Variants in SKAP1 observed in about 807,000 individuals in gnomAD.
SKAP1 encodes the protein src kinase-associated phosphoprotein 1.
Under a neutral mutation model 58.5 loss-of-function variants are expected in SKAP1, and 44 were observed. That is an observed-to-expected ratio of 0.75 (90% CI 0.59 to 0.97). The LOEUF (loss-of-function observed/expected upper bound fraction) is 0.97, where lower values mean the gene tolerates loss of function less well. Ranked by LOEUF, SKAP1 falls within the 50% of genes least tolerant of loss-of-function variation. SKAP1 has a pLI of 0.00. For synonymous variants in SKAP1, 127 were observed against 149.7 expected (o/e 0.85, Z 1.11); for missense variants, 390 against 435.2 (o/e 0.90, Z 0.92).
At chr17:48,415,421 A>G (rs2067720513) in intron 1 of SKAP1, among the ~76,000 whole-genome samples, 2 of 152,194 alleles carry the variant, frequency 1.3e-5, no homozygotes, top group Non-Finnish European at 2.9e-5. Context: ...GGGCATAATT[A>G]CAGAAATGTC....
intron 4 of SKAP1, among the ~76,000 whole-genome samples, chr17:48,272,278 T>C (rs539418374): frequency 6.6e-6 from 1 of 151,988 alleles, no homozygotes; most frequent in African/African-American, 2.4e-5. Flanking sequence ...ATTACAGGTG[T>C]GTGCCACCAT....
Position 48,430,100 on chromosome 17 carries a change from AG to A in SKAP1, c.20del (p.Pro7LeufsTer93). The A allele has an allele frequency of 7.9e-7, 1 of 1,265,100 alleles. No individual in the cohort carries two copies. Among genetic ancestry groups the A allele is most frequent in the Non-Finnish European group, 1.0e-6 (1 of 997,522 alleles). The allele number at this position is 1,265,100 out of a possible 1,614,324, so 78.4% of individuals were successfully genotyped here. A position where few individuals can be genotyped will look rare whatever the true frequency, so the allele number is the denominator to read the frequency against. Reference protein sequence around the residue: MQAAALPEEIRWLLEDA... With the variant: MQAAALXEEIRWLLEDA... ...CTTCCAGGAGCCAACGGATCTCCTC[AG>A]GGAGGGCGGCGGCCTGCATTTGGCT... On this transcript the variant is annotated frameshift_variant, in exon 1 of 13. Coordinates refer to ENST00000336915, the MANE Select transcript of SKAP1 (RefSeq NM_003726.4). LOFTEE classifies it high-confidence loss of function.
At chr17:48,373,280 C>A in intron 2 of SKAP1, among the ~76,000 whole-genome samples, 1 of 152,130 alleles carries the variant, frequency 6.6e-6, no homozygotes, top group East Asian at 1.9e-4. Context: ...AGACACTTAT[C>A]AAACAACCAG....
At chr17:48,189,270 A>C (rs2064502587) in intron 5 of SKAP1, among the ~76,000 whole-genome samples, 153 bp downstream of exon 5, 1 of 152,170 alleles carries the variant, frequency 6.6e-6, no homozygotes, top group Non-Finnish European at 1.5e-5. Context: ...ACACGAAAAC[A>C]CCAGACTCCT....
intron 2 of SKAP1, among the ~76,000 whole-genome samples, chr17:48,383,753 G>A (rs571174822): frequency 3.1e-4 from 40 of 128,858 alleles, no homozygotes; most frequent in South Asian, 2.5e-3. Context: ...GTCTCGCTCT[G>A]TTGCCCAGGC....
intron 4 of SKAP1, among the ~76,000 whole-genome samples, chr17:48,227,824 G>A (rs770139145): frequency 3.9e-5 from 6 of 152,168 alleles, no homozygotes; most frequent in Non-Finnish European, 8.8e-5. Flanking sequence ...AGACTTCAGC[G>A]AACTGATCAA....
intron 4 of SKAP1, chr17:48,308,620 A>C (rs1288014978): frequency 1.3e-5 from 2 of 152,190 alleles, no homozygotes; most frequent in African/African-American, 4.8e-5. Flanking sequence ...CTACAGCTGA[A>C]ATAGGCATAG....
chr17:48,372,687 C>G (rs906537091), intron 2 of SKAP1, among the ~76,000 whole-genome samples: 1 of 152,148 alleles, frequency 6.6e-6, no homozygotes, highest in Non-Finnish European at 1.5e-5. Context: ...GTCACATAGG[C>G]TGGAATGCAG....
chr17:48,170,299 C>A (rs1047741511), intron 10 of SKAP1, among the ~76,000 whole-genome samples: 22 of 152,284 alleles, frequency 1.4e-4, no homozygotes, highest in East Asian at 9.6e-4. Flanking sequence ...AGAGATGAGG[C>A]AATTCTATTT....
chr17:48,366,287 A>T (rs929395384), intron 2 of SKAP1, among the ~76,000 whole-genome samples: 2 of 152,236 alleles, frequency 1.3e-5, no homozygotes, highest in African/African-American at 2.4e-5. Flanking sequence ...ATCAGACATA[A>T]GAAAGTGGAG....
At chr17:48,248,321 C>A (rs1038968903) in intron 4 of SKAP1, among the ~76,000 whole-genome samples, 5 of 152,122 alleles carry the variant, frequency 3.3e-5, no homozygotes, top group East Asian at 1.9e-4. Context: ...AATCCTAGGA[C>A]TTTGGGAAGC....
intron 1 of SKAP1, among the ~76,000 whole-genome samples, chr17:48,417,179 G>C (rs1035729040): frequency 6.6e-6 from 1 of 152,080 alleles, no homozygotes; most frequent in African/African-American, 2.4e-5. Context: ...AAAAGTCGTG[G>C]GCATGTTCTG....
intron 1 of SKAP1, among the ~76,000 whole-genome samples, chr17:48,424,670 C>T (rs1472508218): frequency 6.6e-6 from 1 of 151,694 alleles, no homozygotes; most frequent in African/African-American, 2.4e-5. Flanking sequence ...CACGGTGGCT[C>T]ATGCCTGTAA....
intron 4 of SKAP1, among the ~76,000 whole-genome samples, chr17:48,259,578 C>T (rs1292661951): frequency 6.6e-6 from 1 of 151,934 alleles, no homozygotes; most frequent in African/African-American, 2.4e-5. Context: ...CAATGTAATT[C>T]GAATATAAAT....
intron 1 of SKAP1, among the ~76,000 whole-genome samples, chr17:48,408,597 C>A (rs927287286): frequency 6.6e-6 from 1 of 151,924 alleles, no homozygotes; most frequent in Admixed American, 6.6e-5. Context: ...TAATGTAAAG[C>A]TTATATTGGG....
At chr17:48,156,492 C>T (rs1439248445) in intron 11 of SKAP1, 2 of 526,580 alleles carry the variant, frequency 3.8e-6, no homozygotes, top group Non-Finnish European at 7.8e-6. Flanking sequence ...GCTTGAGCTG[C>T]ATCCTGGCTC....
chr17:48,401,397 T>C (rs1413874525), intron 1 of SKAP1, among the ~76,000 whole-genome samples: 1 of 151,502 alleles, frequency 6.6e-6, no homozygotes, highest in Non-Finnish European at 1.5e-5. Flanking sequence ...CTACAGCAAT[T>C]AGGAAAATAT....
upstream of SKAP1, among the ~76,000 whole-genome samples, chr17:48,435,025 C>T (rs912914771): frequency 2.0e-5 from 3 of 152,052 alleles, no homozygotes; most frequent in African/African-American, 7.3e-5. Context: ...GTGGCATAAG[C>T]CTGTAGTCCC....
chr17:48,222,741 G>A (rs557554723), intron 4 of SKAP1, among the ~76,000 whole-genome samples: 1 of 151,514 alleles, frequency 6.6e-6, no homozygotes, highest in Non-Finnish European at 1.5e-5. Flanking sequence ...GCCTCCCAAA[G>A]TGCTGTAGAA....
Sources: allele counts gnomAD v4.1 joint callset (sites outside exome capture counted in the v4.1 genomes callset), GRCh38; gene constraint gnomAD v4.1.1; transcripts MANE v1.5; gene names NCBI Gene and HGNC (gene_info 2026-07-23, HGNC 2026-07-21).